CEP112: variants seen among roughly 807,000 people sequenced by gnomAD.
The protein encoded by CEP112 is centrosomal protein of 112 kDa.
CEP112 carries 127 observed loss-of-function variants against 153.0 expected under a neutral mutation model. The observed-to-expected ratio is 0.83, with a 90% CI of 0.72 to 0.96. CEP112 has a LOEUF of 0.96. CEP112 is among the 40% of genes least tolerant of loss of function. The pLI, the probability that CEP112 is intolerant of heterozygous loss-of-function variation, is 0.00. For synonymous variants in CEP112, 358 were observed against 374.4 expected (o/e 0.96, Z 0.51); for missense variants, 1,089 against 1,101.2 (o/e 0.99, Z 0.16).
chr17:65,682,912 C>T (rs974991457), intron 24 of CEP112, among the ~76,000 whole-genome samples: 1 of 152,316 alleles, frequency 6.6e-6, no homozygotes, highest in African/African-American at 2.4e-5. Flanking sequence ...TTTTTACACA[C>T]TTTATCTTGT....
intron 24 of CEP112, among the ~76,000 whole-genome samples, chr17:65,654,016 G>T (rs140383658): frequency 1.5e-5 from 2 of 131,890 alleles, no homozygotes; most frequent in Non-Finnish European, 3.1e-5. Context: ...CCGAGATTGC[G>T]CCACTGTACT....
Position 66,029,146 on chromosome 17 carries a change from C to A in CEP112, c.1480G>T (p.Glu494Ter). The change falls in exon 14 of 27, where the codon GAA becomes TAA. Residue 494 changes from glutamate to a stop codon, truncating the protein, a stop_gained. Coordinates refer to ENST00000535342, the MANE Select transcript of CEP112 (RefSeq NM_001199165.4). LOFTEE classifies it high-confidence loss of function. ...ACCTTAGAAGCTGAAAGAGCATGTT[C>A]TTGTTTTAGAAGGTTTATATCAGCA... Reference protein sequence around the residue: ...YDADINLLKQEHALSASKASS... With the variant: ...YDADINLLKQ The A allele has an allele frequency of 6.2e-7, 1 of 1,603,154 alleles. No homozygotes were observed. The highest frequency in any genetic ancestry group is 1.1e-5 in the South Asian group (1 of 90,332).
rs573791343 is a variant in CEP112 at position 66,039,684 on chromosome 17, A to T, written c.1219-9661T>A. 2.0e-5 allele frequency among the ~76,000 whole-genome samples: 3 copies of T among 152,278 alleles called. No individual in the cohort carries two copies. The South Asian group carries it at 6.2e-4, about 32-fold the overall frequency. On this transcript the variant is annotated intron_variant, in intron 12 of 26. Coordinates refer to ENST00000535342, the MANE Select transcript of CEP112 (RefSeq NM_001199165.4). ...ATTCTGATAACTTTTTTAAAAATTG[A>T]AAACTCATGAGCCACTAGAAGTGTG...
intron 17 of CEP112, among the ~76,000 whole-genome samples, chr17:65,968,410 A>G (rs2062492742): frequency 6.6e-6 from 1 of 152,150 alleles, no homozygotes; most frequent in Non-Finnish European, 1.5e-5. Flanking sequence ...AAGCAGGCAA[A>G]TTTTCTATTT....
chr17:66,175,832 A>G (rs1230036235), intron 3 of CEP112, among the ~76,000 whole-genome samples: 2 of 152,196 alleles, frequency 1.3e-5, no homozygotes, highest in Admixed American at 6.5e-5. Context: ...CAATGTACTC[A>G]TATCTTCACA....
At chr17:65,723,148 G>A (rs897004255) in intron 23 of CEP112, among the ~76,000 whole-genome samples, 15 of 152,120 alleles carry the variant, frequency 9.9e-5, no homozygotes, top group African/African-American at 3.6e-4. Flanking sequence ...TTCAAACAGG[G>A]AGCCCAAACT....
chr17:65,870,086 G>GAAAGAAAGAAAGA (rs2058620425), intron 20 of CEP112, among the ~76,000 whole-genome samples: 4 of 142,824 alleles, frequency 2.8e-5, no homozygotes, highest in African/African-American at 7.7e-5. Context: ...AGAAAGAAAA[G>GAAAGAAAGAAAGA]AAAGAAAGAG....
chr17:65,662,794 T>C (rs750318911), intron 24 of CEP112, among the ~76,000 whole-genome samples: 5 of 152,170 alleles, frequency 3.3e-5, no homozygotes, highest in Non-Finnish European at 4.4e-5. Flanking sequence ...TTGGCCCACA[T>C]GGTAAAACAC....
intron 6 of CEP112, among the ~76,000 whole-genome samples, chr17:66,099,766 CA>C (rs1210257677): frequency 3.9e-5 from 6 of 152,022 alleles, no homozygotes; most frequent in Non-Finnish European, 8.8e-5. Flanking sequence ...AGACCAAAAT[CA>C]AAACCTGCCA....
At chr17:65,686,854 T>C (rs2047820038) in intron 24 of CEP112, among the ~76,000 whole-genome samples, 2 of 119,252 alleles carry the variant, frequency 1.7e-5, no homozygotes, top group African/African-American at 4.2e-5. Flanking sequence ...TTCTCTATCA[T>C]TGCTATCCAG....
intron 21 of CEP112, among the ~76,000 whole-genome samples, chr17:65,785,063 C>T (rs550321682): frequency 2.0e-5 from 3 of 152,324 alleles, no homozygotes; most frequent in South Asian, 4.1e-4. Context: ...GGGCATTTCA[C>T]GTAATTTAAA....
At chr17:65,912,099 C>T (rs1281226567) in intron 19 of CEP112, among the ~76,000 whole-genome samples, 2 of 152,118 alleles carry the variant, frequency 1.3e-5, no homozygotes, top group Non-Finnish European at 2.9e-5. Flanking sequence ...TGATTTTCCA[C>T]CCTAAGTGGA....
At chr17:65,743,791 C>T (rs767259966) in intron 22 of CEP112, among the ~76,000 whole-genome samples, 5 of 150,832 alleles carry the variant, frequency 3.3e-5, no homozygotes, top group African/African-American at 9.8e-5. Context: ...GATGGAGTTT[C>T]GTTCTTGTTG....
At chr17:65,853,815 G>A (rs1480472215) in intron 20 of CEP112, among the ~76,000 whole-genome samples, 1 of 152,108 alleles carries the variant, frequency 6.6e-6, no homozygotes, top group African/African-American at 2.4e-5. Flanking sequence ...GGACTTCAGT[G>A]GTTATTGTTT....
chr17:65,937,689 A>G (rs2144402047), intron 18 of CEP112, among the ~76,000 whole-genome samples: 1 of 80,938 alleles, frequency 1.2e-5, no homozygotes, highest in African/African-American at 4.3e-5. Context: ...GGCCGCCCCT[A>G]CTGGGAAGTG....
chr17:66,014,343 T>A (rs183155246), intron 16 of CEP112, among the ~76,000 whole-genome samples: 2 of 152,120 alleles, frequency 1.3e-5, no homozygotes, highest in African/African-American at 4.8e-5. Flanking sequence ...GTCTGCACTG[T>A]AAGCAGGCAA....
chr17:66,089,652 T>A (rs1183502705), intron 8 of CEP112, among the ~76,000 whole-genome samples: 1 of 151,784 alleles, frequency 6.6e-6, no homozygotes, highest in African/African-American at 2.4e-5. Flanking sequence ...GGAAAAAGAC[T>A]GGAAAGGAAT....
At chr17:66,096,562 A>G in intron 7 of CEP112, 23 bp downstream of exon 7, 1 of 1,537,280 alleles carries the variant, frequency 6.5e-7, no homozygotes, top group Non-Finnish European at 8.9e-7. Context: ...CCCTAGAAAA[A>G]GTCCAATGGA....
At chr17:65,649,069 AACAAACAC>A (rs1390995718) in intron 24 of CEP112, among the ~76,000 whole-genome samples, 6 of 41,762 alleles carry the variant, frequency 1.4e-4, no homozygotes, top group Non-Finnish European at 2.3e-4. Flanking sequence ...CAAACAAACA[AACAAACAC>A]ACACACACAC....
Sources: gnomAD v4.1 joint callset for allele counts (sites outside exome capture counted in the v4.1 genomes callset) on GRCh38, gnomAD v4.1.1 for gene constraint, MANE v1.5 for transcripts, NCBI Gene and HGNC (gene_info 2026-07-23, HGNC 2026-07-21) for gene names.